The following LCE1C variants were observed in gnomAD, a reference collection of about 807,000 sequenced individuals.
LCE1C encodes the protein late cornified envelope 1C.
Under a neutral mutation model 0.7 loss-of-function variants are expected in LCE1C, and 1 was observed. The observed-to-expected ratio is 1.44, with a 90% CI of 0.51 to 6.83. LCE1C has a LOEUF of 6.83. Among genes scored for constraint, LCE1C ranks in the 30% most tolerant of loss-of-function variants. The pLI is 0.14. For missense variants in LCE1C, 136 were observed against 149.6 expected, an observed-to-expected ratio of 0.91 and a Z score of 0.48; for synonymous variants, 72 against 57.9, an observed-to-expected ratio of 1.24 and a Z score of -1.10.
rs1173330660 is a variant in LCE1C, at chr1:152,805,145, G to A, written c.334C>T (p.Gln112Ter). Residue 112 changes from glutamine to a stop codon, truncating the protein, a stop_gained, in exon 2 of 2, where the codon CAG becomes TAG. Coordinates refer to ENST00000607093, the MANE Select transcript of LCE1C (RefSeq NM_178351.4). LOFTEE classifies it high-confidence loss of function. Reference sequence around the variant, plus strand: ...CTTCAGCAGCAGCCTCCAGAGTGCTGGCCACTCCCCCCGCCACAGCAGCTG... The same window carrying A: ...CTTCAGCAGCAGCCTCCAGAGTGCTAGCCACTCCCCCCGCCACAGCAGCTG... ...GSSCCGGGSG[Q>*]HSGGCC 3 of 1,608,242 alleles carry A rather than the reference G, an allele frequency of 1.9e-6. No homozygotes were observed. The African/African-American group carries it at 4.0e-5, about 22-fold the overall frequency.
In LCE1C at chr1:152,805,268, C is replaced by A; in HGVS notation, c.211G>T (p.Gly71Trp). 1 of 1,613,990 alleles carries A rather than the reference C, an allele frequency of 6.2e-7. No homozygotes were observed. Among genetic ancestry groups the A allele is most frequent in the African/African-American group, 1.3e-5 (1 of 75,022 alleles). The change falls in exon 2 of 2, where the codon GGG (glycine) becomes TGG (tryptophan). Residue 71 changes from glycine to tryptophan, a missense_variant. Coordinates refer to ENST00000607093, the MANE Select transcript of LCE1C (RefSeq NM_178351.4). ...TGGCTCAGGCAGCAGCCACCTCCCC[C>A]AGAACTGCAGCATCCCCCAGAGCTG... Reference protein sequence around the residue: ...GSSSGGCCSSGGGGCCLSHHR... With the variant: ...GSSSGGCCSSWGGGCCLSHHR...
rs149410909 is a variant in LCE1C at position 152,805,880 on chromosome 1, T to C, written c.-20-382A>G. 7.9e-5 allele frequency among the ~76,000 whole-genome samples: 12 copies of C among 152,332 alleles called. No homozygotes were observed. In the East Asian group the frequency reaches 2.1e-3, roughly 27 times the overall value. On this transcript the variant is annotated intron_variant, in intron 1 of 1. Transcript: ENST00000607093. ...AAACCTGGGGATATAAACATTTTCTTGGAAAAAGATAATGAAGGATTATCT... is the reference window on the plus strand; with the variant it reads ...AAACCTGGGGATATAAACATTTTCTCGGAAAAAGATAATGAAGGATTATCT...
chr1:152,805,155 C>A lies in LCE1C; in HGVS notation c.324G>T (p.Gly108=). 2 of 1,611,046 alleles carry A rather than the reference C, an allele frequency of 1.2e-6. No homozygotes were observed. Among genetic ancestry groups the A allele is most frequent in the South Asian group, 2.2e-5 (2 of 90,732 alleles). Reference sequence around the variant, plus strand: ...AGCCTCCAGAGTGCTGGCCACTCCCCCCGCCACAGCAGCTGGAGCCCCCCG... The same window carrying A: ...AGCCTCCAGAGTGCTGGCCACTCCCACCGCCACAGCAGCTGGAGCCCCCCG... The part of the protein sequence containing the change: ...QPSGGSSCCG[G]GSGQHSGGCC Residue 108 remains glycine, a synonymous_variant, in exon 2 of 2, where the codon GGG becomes GGT. Coordinates refer to ENST00000607093, the MANE Select transcript of LCE1C (RefSeq NM_178351.4).
chr1:152,805,054 TAGG>T lies in LCE1C; in HGVS notation c.*65_*67del, dbSNP rs1652288522. 1.3e-6 allele frequency: 2 copies of T among 1,507,468 alleles called. No individual in the cohort carries two copies. The highest frequency in any genetic ancestry group is 2.8e-5 in the African/African-American group (2 of 71,496). 93.4% of individuals were successfully genotyped at this position (1,507,468 alleles called of 1,614,324 possible). A position where few individuals can be genotyped will look rare whatever the true frequency, so the allele number is the denominator to read the frequency against. ...CTGTGAGCCTCTCAGGCAGGCCTAG[TAGG>T]AGAAGGGGGATGTCCTTGGCAGTTT... On this transcript the variant is annotated 3_prime_UTR_variant, in exon 2 of 2. Transcript: ENST00000607093.
chr1:152,805,642 GT>G, intron 1 of LCE1C, 144 bp from the exon 2 acceptor site: 1 of 710,472 alleles, frequency 1.4e-6, no homozygotes, highest in South Asian at 1.9e-5. Flanking sequence ...AAATTTTGTT[GT>G]TTCTTGTAGT....
chr1:152,805,235 G>A lies in LCE1C; in HGVS notation c.244C>T (p.Arg82Cys), dbSNP rs771441994. The change falls in exon 2 of 2, where the codon CGC (arginine) becomes TGC (cysteine). Residue 82 changes from arginine to cysteine, a missense_variant. Coordinates refer to ENST00000607093, the MANE Select transcript of LCE1C (RefSeq NM_178351.4). ...GGTCTGTGGCAGTGGGACCTACGGC[G>A]CCTGTGGTGGCTCAGGCAGCAGCCA... The part of the protein sequence containing the change: ...GGGCCLSHHR[R>C]RRSHCHRPQS... 3.1e-5 allele frequency: 50 copies of A among 1,613,650 alleles called. No homozygotes were observed. The highest frequency in any genetic ancestry group is 1.7e-4 in the Middle Eastern group (1 of 5,842).
chr1:152,805,525 GAC>G (rs773684026), intron 1 of LCE1C, 27 bp from the exon 2 acceptor site: 3 of 1,556,230 alleles, frequency 1.9e-6, no homozygotes, highest in African/African-American at 2.8e-5. Flanking sequence ...CAGCAAGTCA[GAC>G]CTAGGCAGAG....
rs766794610 is a variant in LCE1C at position 152,805,131 on chromosome 1, G to A, written c.348C>T (p.Gly116=). 3 of 1,596,988 alleles carry A rather than the reference G, an allele frequency of 1.9e-6. No individual in the cohort carries two copies. The highest frequency in any genetic ancestry group is 4.5e-5 in the East Asian group (2 of 44,726). The part of the protein sequence containing the change: ...CGGGSGQHSG[G]CC ...AGGCTCAGGGTCCACTTCAGCAGCA[G>A]CCTCCAGAGTGCTGGCCACTCCCCC... The change falls in exon 2 of 2, where the codon GGC becomes GGT. Residue 116 remains glycine (G), a synonymous_variant. Coordinates refer to ENST00000607093, the MANE Select transcript of LCE1C (RefSeq NM_178351.4).
In LCE1C at chr1:152,805,004, G is replaced by T. The variant is rs572081202; in HGVS notation, c.*118C>A. 55 of 1,256,522 alleles carry T rather than the reference G, an allele frequency of 4.4e-5. 1 individual carries two copies. The South Asian group carries it at 7.9e-4, about 18-fold the overall frequency. 77.8% of individuals were successfully genotyped at this position (1,256,522 alleles called of 1,614,324 possible). On this transcript the variant is annotated 3_prime_UTR_variant, in exon 2 of 2. Transcript: ENST00000607093. ...ACTCCAGGGAAAAGATATGCTCTTG[G>T]CAAGTTCAGAGCTTTCCCTTGGACC...
chr1:152,806,100 G>A (rs4845488), intron 1 of LCE1C, among the ~76,000 whole-genome samples: 68,592 of 151,908 alleles, frequency 0.45, 15,967 homozygotes, highest in Middle Eastern at 0.55. Flanking sequence ...TATTCATCAC[G>A]CAACGGCCTC....
chr1:152,805,295 A>G lies in LCE1C; in HGVS notation c.184T>C (p.Ser62Pro). 6.2e-7 allele frequency: 1 copy of G among 1,613,964 alleles called. No individual in the cohort carries two copies. The highest frequency in any genetic ancestry group is 1.7e-5 in the Admixed American group (1 of 60,020). The change falls in exon 2 of 2, where the codon TCC becomes CCC. Residue 62 changes from serine to proline, a missense_variant. Coordinates refer to ENST00000607093, the MANE Select transcript of LCE1C (RefSeq NM_178351.4). The stretch of plus-strand genomic sequence containing the variant: ...GAACTGCAGCATCCCCCAGAGCTGG[A>G]GCCACAGCTGCCCCCAGAGCTGGAG... Reference protein sequence around the residue: ...CGSSSGGSCGSSSGGCCSSGG... With the variant: ...CGSSSGGSCGPSSGGCCSSGG...
chr1:152,804,836 T>C lies in LCE1C; in HGVS notation c.*286A>G. 1 of 425,268 alleles carries C rather than the reference T, an allele frequency of 2.4e-6. No individual in the cohort carries two copies. The highest frequency in any genetic ancestry group is 4.1e-6 in the Non-Finnish European group (1 of 241,552). The allele number at this position is 425,268 out of a possible 1,614,324, so 26.3% of individuals were successfully genotyped here. A position where few individuals can be genotyped will look rare whatever the true frequency, so the allele number is the denominator to read the frequency against. On this transcript the variant is annotated 3_prime_UTR_variant, in exon 2 of 2. Transcript: ENST00000607093. The stretch of plus-strand genomic sequence containing the variant: ...TAGAACAAGACACTGAGCAGATTCC[T>C]TGTTTTAGTCCTTTAATCAGCAGAT...
chr1:152,804,876 A>G lies in LCE1C; in HGVS notation c.*246T>C. 1.9e-6 allele frequency: 1 copy of G among 515,678 alleles called. No individual in the cohort carries two copies. The highest frequency in any genetic ancestry group is 3.4e-6 in the Non-Finnish European group (1 of 295,314). The allele number at this position is 515,678 out of a possible 1,614,324, so 31.9% of individuals were successfully genotyped here. On this transcript the variant is annotated 3_prime_UTR_variant, in exon 2 of 2. Coordinates refer to ENST00000607093, the MANE Select transcript of LCE1C (RefSeq NM_178351.4). ...AATCAGCAGATGCACGCTGCAAATG[A>G]CATTGAGTAAGCTAGGGGCTTAGAC...
intron 1 of LCE1C, 34 bp from the exon 2 acceptor site, chr1:152,805,532 G>A: frequency 6.7e-7 from 1 of 1,502,008 alleles, no homozygotes; most frequent in Non-Finnish European, 9.2e-7. Flanking sequence ...TCAGACCTAG[G>A]CAGAGGCCAC....
intron 1 of LCE1C, 139 bp from the exon 2 acceptor site, chr1:152,805,637 T>G: frequency 1.4e-6 from 1 of 721,980 alleles, no homozygotes; most frequent in Non-Finnish European, 2.3e-6. Flanking sequence ...ACTGAAAATT[T>G]TGTTGTTTCT....
At position 152,804,884 on chromosome 1, in the gene LCE1C, T is replaced by C; in HGVS notation, c.*238A>G. ...GATGCACGCTGCAAATGACATTGAGTAAGCTAGGGGCTTAGACAGAGCGTG... is the reference window on the plus strand; with the variant it reads ...GATGCACGCTGCAAATGACATTGAGCAAGCTAGGGGCTTAGACAGAGCGTG... On this transcript the variant is annotated 3_prime_UTR_variant, in exon 2 of 2. Coordinates refer to ENST00000607093, the MANE Select transcript of LCE1C (RefSeq NM_178351.4). 1 of 525,882 alleles carries C rather than the reference T, an allele frequency of 1.9e-6. No homozygotes were observed. The highest frequency in any genetic ancestry group is 3.3e-6 in the Non-Finnish European group (1 of 301,312). 32.6% of individuals were successfully genotyped at this position (525,882 alleles called of 1,614,324 possible).
Position 152,805,407 on chromosome 1 carries a change from G to T in LCE1C, c.72C>A (p.Cys24Ter). Residue 24 changes from cysteine to a stop codon, truncating the protein, a stop_gained, in exon 2 of 2, where the codon TGC (cysteine) becomes TGA (stop). Coordinates refer to ENST00000607093, the MANE Select transcript of LCE1C (RefSeq NM_178351.4). LOFTEE classifies it low-confidence loss of function (END_TRUNC). Reference sequence around the variant, plus strand: ...ACTTTGGGGGACACTTTGGGGTGGGGCACTTGGGAGGGCACTTGGGGGTGC... The same window carrying T: ...ACTTTGGGGGACACTTTGGGGTGGGTCACTTGGGAGGGCACTTGGGGGTGC... ...PKCTPKCPPK[C>*]PTPKCPPKCP... 1.2e-6 allele frequency: 2 copies of T among 1,613,326 alleles called. No homozygotes were observed. The highest frequency in any genetic ancestry group is 1.7e-6 in the Non-Finnish European group (2 of 1,179,546).
In LCE1C at chr1:152,805,220, A is replaced by G. The variant is rs201333896; in HGVS notation, c.259T>C (p.Cys87Arg). The G allele has an allele frequency of 7.7e-5, 124 of 1,613,612 alleles. No individual in the cohort carries two copies. The highest frequency in any genetic ancestry group is 9.2e-5 in the Non-Finnish European group (109 of 1,180,008). ...CAGCCAGAGCTCTGGGGTCTGTGGC[A>G]GTGGGACCTACGGCGCCTGTGGTGG... The part of the protein sequence containing the change: ...LSHHRRRRSH[C>R]HRPQSSGCCS... Residue 87 changes from cysteine (C) to arginine (R), a missense_variant, in exon 2 of 2, where the codon TGC becomes CGC. Cys to Arg is a radical substitution (Grantham distance 180). Transcript: ENST00000607093.
At position 152,805,510 on chromosome 1, in the gene LCE1C, T is replaced by C. The variant is rs374996026; in HGVS notation, c.-20-12A>G. 17 of 1,598,974 alleles carry C rather than the reference T, an allele frequency of 1.1e-5. No homozygotes were observed. Among genetic ancestry groups the C allele is most frequent in the Non-Finnish European group, 1.5e-5 (17 of 1,167,004 alleles). ...GGCGGATTCAGGAGCTGAAAGAGAG[T>C]CAAACAGCAAGTCAGACCTAGGCAG... On this transcript the variant is annotated splice_polypyrimidine_tract_variant and intron_variant, in intron 1 of 1. Transcript: ENST00000607093.
Sources: gnomAD v4.1 joint callset for allele counts (sites outside exome capture counted in the v4.1 genomes callset) on GRCh38, gnomAD v4.1.1 for gene constraint, MANE v1.5 for transcripts, NCBI Gene and HGNC (gene_info 2026-07-23, HGNC 2026-07-21) for gene names.